EPB41: variants seen among roughly 807,000 people sequenced by gnomAD.
The protein encoded by EPB41 is erythrocyte membrane protein band 4.1, also known as protein 4.1.
A neutral mutation model predicts 108.0 loss-of-function variants in EPB41; 65 were observed. The observed-to-expected ratio is 0.60, with a 90% confidence interval of 0.49 to 0.74. The LOEUF (loss-of-function observed/expected upper bound fraction) is 0.74. EPB41 is among the 30% of genes least tolerant of loss of function. EPB41 has a pLI of 0.00. For missense variants in EPB41, 875 were observed against 1,037.0 expected (o/e 0.84, Z 2.15); for synonymous variants, 336 against 358.9 (o/e 0.94, Z 0.72).
chr1:28,905,878 C>T (rs76046768), intron 1 of EPB41, among the ~76,000 whole-genome samples: 6 of 145,786 alleles, frequency 4.1e-5, no homozygotes, highest in East Asian at 2.0e-4. Context: ...AGTGCAGTGG[C>T]GCGATCTCGG....
chr1:28,921,933 A>T, intron 1 of EPB41, among the ~76,000 whole-genome samples: 1 of 84,690 alleles, frequency 1.2e-5, no homozygotes, highest in Admixed American at 1.4e-4. Context: ...TTTATTTATG[A>T]AATTTTATAT....
At chr1:29,063,388 G>A (rs1646856624) in intron 15 of EPB41, among the ~76,000 whole-genome samples, 1 of 152,142 alleles carries the variant, frequency 6.6e-6, no homozygotes. Context: ...TTAGCTTTCT[G>A]TTTGATCTCA....
At chr1:29,105,003 G>A (rs1397183196) in intron 17 of EPB41, among the ~76,000 whole-genome samples, 3 of 151,744 alleles carry the variant, frequency 2.0e-5, no homozygotes, top group Admixed American at 6.6e-5. Context: ...TATTACAGAT[G>A]TGAGCCACCA....
Position 29,064,740 on chromosome 1 carries a change from A to G in EPB41, c.2008-242A>G, listed in dbSNP as rs114855127. ...AAGGCGTGAGTTCTTTATGGGTTAT[A>G]TAACTGCTAACAGCTATGGAGTTGT... On this transcript the variant is annotated intron_variant, in intron 15 of 20. Coordinates refer to ENST00000343067, the MANE Select transcript of EPB41 (RefSeq NM_001376013.1). Among the ~76,000 whole-genome samples the G allele has an allele frequency of 7.2e-3, 1,095 of 152,334 alleles. 13 individuals carry two copies. The highest frequency in any genetic ancestry group is 0.026 in the African/African-American group (1,063 of 41,566).
chr1:29,096,452 A>G, intron 16 of EPB41: 1 of 985,918 alleles, frequency 1.0e-6, no homozygotes, highest in Non-Finnish European at 1.2e-6. Context: ...GTTCTCAGTA[A>G]CACCAGCTTC....
rs1287476127 is a variant in EPB41 at position 29,039,416 on chromosome 1, C to T, written c.1626C>T (p.Ser542=). ...ERTASKRASR[S]LDGAAAVDSA... is the part of the protein sequence containing the mutation. ...CAGCAAGTAAACGGGCGTCCCGGAG[C>T]CTCGATGGAGGTTTGTATTGAATAT... is the stretch of plus-strand genomic sequence containing the variant. Residue 542 remains serine (S), a synonymous_variant, in exon 11 of 21, where the codon AGC becomes AGT. Transcript: ENST00000343067. 16 of 1,613,834 alleles carry T rather than the reference C, an allele frequency of 9.9e-6. No homozygotes were observed. Among genetic ancestry groups the T allele is most frequent in the Non-Finnish European group, 1.4e-5 (16 of 1,180,010 alleles).
At chr1:29,004,695 G>C (rs919968612) in intron 4 of EPB41, among the ~76,000 whole-genome samples, 1 of 152,048 alleles carries the variant, frequency 6.6e-6, no homozygotes, top group Non-Finnish European at 1.5e-5. Context: ...ATTTAAATGT[G>C]GTTTTTTGGG....
intron 1 of EPB41, among the ~76,000 whole-genome samples, chr1:28,900,078 G>A (rs374406681): frequency 1.8e-3 from 271 of 152,204 alleles, no homozygotes; most frequent in Non-Finnish European, 2.2e-3. Context: ...TTTTGTCATC[G>A]TTATTCTATG....
intron 7 of EPB41, among the ~76,000 whole-genome samples, chr1:29,026,254 G>A (rs1284534294): frequency 1.3e-5 from 2 of 152,182 alleles, no homozygotes; most frequent in Admixed American, 6.5e-5. Flanking sequence ...TGGGAGCCAG[G>A]TTTCTCACTG....
intron 1 of EPB41, among the ~76,000 whole-genome samples, chr1:28,958,771 A>C (rs1388624776): frequency 3.5e-5 from 5 of 141,674 alleles, no homozygotes; most frequent in Non-Finnish European, 7.5e-5. Flanking sequence ...GTGAGCCATA[A>C]TTGTGCCACT....
intron 11 of EPB41, among the ~76,000 whole-genome samples, chr1:29,042,188 AT>A (rs1357633250): frequency 6.6e-6 from 1 of 152,164 alleles, no homozygotes; most frequent in Non-Finnish European, 1.5e-5. Context: ...TGAAAAGATC[AT>A]TTTTACAATG....
chr1:28,989,445 T>C (rs2095953268), intron 2 of EPB41: 9 of 960,446 alleles, frequency 9.4e-6, no homozygotes, highest in Non-Finnish European at 1.1e-5. Context: ...TGTAAGTCCT[T>C]CTAGAACTCT....
intron 1 of EPB41, among the ~76,000 whole-genome samples, chr1:28,946,136 C>A (rs2094479220): frequency 6.7e-6 from 1 of 148,590 alleles, no homozygotes; most frequent in African/African-American, 2.6e-5. Context: ...AATGTTTATT[C>A]CTTTTTACTA....
chr1:28,988,037 C>T (rs904333582), intron 2 of EPB41, 132 bp downstream of exon 2: 8 of 916,072 alleles, frequency 8.7e-6, no homozygotes, highest in Middle Eastern at 3.0e-4. Context: ...CCGAGGCAGG[C>T]GGATCAACTG....
intron 8 of EPB41, 129 bp from the exon 9 acceptor site, chr1:29,032,964 G>T: frequency 4.3e-6 from 4 of 927,170 alleles, no homozygotes; most frequent in Non-Finnish European, 6.8e-6. Context: ...TAACTGTTAG[G>T]CTGAGCTTTA....
At chr1:28,973,858 C>A (rs2171051) in intron 1 of EPB41, among the ~76,000 whole-genome samples, 67,652 of 151,978 alleles carry the variant, frequency 0.45, 17,645 homozygotes, top group East Asian at 0.85. Context: ...TAATCTCACT[C>A]TTCCCAAGCA....
At chr1:28,996,210 T>C (rs536224145) in intron 3 of EPB41, among the ~76,000 whole-genome samples, 191 of 152,346 alleles carry the variant, frequency 1.3e-3, no homozygotes, top group Non-Finnish European at 2.2e-3. Flanking sequence ...ACTTTCTGAC[T>C]AAATCTCAGT....
At chr1:29,087,192 T>C (rs1373443689) in intron 16 of EPB41, among the ~76,000 whole-genome samples, 3 of 151,828 alleles carry the variant, frequency 2.0e-5, no homozygotes, top group Non-Finnish European at 4.4e-5. Context: ...CCGCCCGCCT[T>C]GGCCTCCCAA....
At chr1:28,982,470 G>C (rs2095777619) in intron 1 of EPB41, 1 of 786,790 alleles carries the variant, frequency 1.3e-6, no homozygotes, top group African/African-American at 1.7e-5. Context: ...AGGGGTAGTG[G>C]TCAATTCCAG....
Sources: gnomAD v4.1 joint callset for allele counts (sites outside exome capture counted in the v4.1 genomes callset) on GRCh38, gnomAD v4.1.1 for gene constraint, MANE v1.5 for transcripts, NCBI Gene and HGNC (gene_info 2026-07-23, HGNC 2026-07-21) for gene names.